Variants in PPIG observed in about 807,000 individuals in gnomAD.
PPIG encodes peptidylprolyl isomerase G.
Under a neutral mutation model 87.9 loss-of-function variants are expected in PPIG, and 26 were observed. The ratio of observed to expected loss-of-function variants is 0.30; its 90% CI spans 0.22 to 0.41. PPIG has a LOEUF of 0.41. Ranked by LOEUF, PPIG falls within the 10% of genes least tolerant of loss-of-function variation. The probability of loss-of-function intolerance (pLI) is 1.00; values close to 1 mark genes in which losing one functional copy is unlikely to be tolerated. For synonymous variants in PPIG, 308 were observed against 276.5 expected (o/e 1.11, Z -1.13); for missense variants, 722 against 879.4 (o/e 0.82, Z 2.26).
Position 169,631,810 on chromosome 2 carries a change from A to G in PPIG, c.806A>G (p.Gln269Arg). 1 of 1,613,906 alleles carries G rather than the reference A, an allele frequency of 6.2e-7. No individual in the cohort carries two copies. Among genetic ancestry groups the G allele is most frequent in the Non-Finnish European group, 8.5e-7 (1 of 1,179,816 alleles). Residue 269 changes from glutamine (Q) to arginine (R), a missense_variant, in exon 11 of 14, where the codon CAG (glutamine) becomes CGG (arginine). Physicochemically the swap from Gln to Arg is conservative, Grantham distance 43. Coordinates refer to ENST00000260970, the MANE Select transcript of PPIG (RefSeq NM_004792.3). Reference sequence around the variant, plus strand: ...GCTGAAAATCTTGAAGCACAACCCCAGTCTACTGTCCGTCCAGAAGAGATC... The same window carrying G: ...GCTGAAAATCTTGAAGCACAACCCCGGTCTACTGTCCGTCCAGAAGAGATC... ...SEAENLEAQP[Q>R]STVRPEEIPP...
intron 1 of PPIG, 185 bp downstream of exon 1, chr2:169,584,675 C>T (rs1036362443): frequency 3.7e-5 from 13 of 349,866 alleles, no homozygotes; most frequent in South Asian, 2.5e-4. Context: ...CGCAGCAGTG[C>T]CTTTGCCGCT....
chr2:169,595,483 G>A, intron 1 of PPIG, among the ~76,000 whole-genome samples: 1 of 152,050 alleles, frequency 6.6e-6, no homozygotes, highest in Non-Finnish European at 1.5e-5. Context: ...TCACCCCATT[G>A]TGCTAGCAAA....
chr2:169,588,035 C>T (rs1391309790), intron 1 of PPIG, among the ~76,000 whole-genome samples: 1 of 152,030 alleles, frequency 6.6e-6, no homozygotes, highest in East Asian at 1.9e-4. Context: ...ATTGGTGGTG[C>T]ATGCCTGTAA....
intron 6 of PPIG, 42 bp downstream of exon 6, chr2:169,607,190 CTTTTA>C (rs1440797037): frequency 3.2e-6 from 4 of 1,260,126 alleles, no homozygotes; most frequent in South Asian, 1.3e-5. Context: ...AATATTTTGT[CTTTTA>C]TTCTATTTTA....
At chr2:169,595,014 C>T (rs1483891639) in intron 1 of PPIG, among the ~76,000 whole-genome samples, 7 of 151,964 alleles carry the variant, frequency 4.6e-5, no homozygotes, top group Non-Finnish European at 7.4e-5. Context: ...CTACAACCTC[C>T]GCCTCCCGGG....
At chr2:169,615,462 T>G (rs1685587792) in intron 9 of PPIG, among the ~76,000 whole-genome samples, 1 of 152,242 alleles carries the variant, frequency 6.6e-6, no homozygotes, top group Admixed American at 6.5e-5. Context: ...TACCAACATT[T>G]GTCCAACACA....
At chr2:169,603,883 A>G (rs1685251390) in intron 2 of PPIG, 143 bp from the exon 3 acceptor site, 2 of 652,474 alleles carry the variant, frequency 3.1e-6, no homozygotes, top group Non-Finnish European at 5.2e-6. Context: ...CTAATAATCC[A>G]TGTGATTTAC....
rs1323926152 is a variant in PPIG at position 169,638,187 on chromosome 2, C to T, written c.*664C>T. The T allele has an allele frequency of 6.6e-6, 1 of 151,564 alleles. No individual in the cohort carries two copies. The highest frequency in any genetic ancestry group is 2.4e-5 in the African/African-American group (1 of 41,314). 9.4% of individuals were successfully genotyped at this position (151,564 alleles called of 1,614,324 possible). A position where few individuals can be genotyped will look rare whatever the true frequency, so the allele number is the denominator to read the frequency against. On this transcript the variant is annotated 3_prime_UTR_variant, in exon 14 of 14. Coordinates refer to ENST00000260970, the MANE Select transcript of PPIG (RefSeq NM_004792.3). Reference sequence around the variant, plus strand: ...TAAAAATCGTAAGAGTAATTTTTTTCAGTTGATGTACTGATTGAGCTTGAG... The same window carrying T: ...TAAAAATCGTAAGAGTAATTTTTTTTAGTTGATGTACTGATTGAGCTTGAG...
At chr2:169,612,917 T>G (rs1685528218) in intron 7 of PPIG, among the ~76,000 whole-genome samples, 1 of 152,164 alleles carries the variant, frequency 6.6e-6, no homozygotes, top group Non-Finnish European at 1.5e-5. Flanking sequence ...TTCCATACTG[T>G]TTTCCATAGT....
In PPIG at chr2:169,639,347, A is replaced by T. The variant is rs945335272; in HGVS notation, c.*1824A>T. The T allele has an allele frequency of 1.3e-5, 2 of 152,092 alleles. No homozygotes were observed. Among genetic ancestry groups the T allele is most frequent in the Admixed American group, 1.3e-4 (2 of 15,250 alleles). 9.4% of individuals were successfully genotyped at this position (152,092 alleles called of 1,614,324 possible). A position where few individuals can be genotyped will look rare whatever the true frequency, so the allele number is the denominator to read the frequency against. On this transcript the variant is annotated 3_prime_UTR_variant, in exon 14 of 14. Coordinates refer to ENST00000260970, the MANE Select transcript of PPIG (RefSeq NM_004792.3). ...TAATTTCAGTTAACTGCATTTTAAA[A>T]TTGTTGTTATAAACTATTTGAGCTT...
chr2:169,611,883 A>G (rs7570175), intron 7 of PPIG, among the ~76,000 whole-genome samples: 1 of 152,088 alleles, frequency 6.6e-6, no homozygotes, highest in Non-Finnish European at 1.5e-5. Flanking sequence ...AGAGAGCTTC[A>G]GTCTTAAAAA....
chr2:169,589,249 G>T (rs1452838282), intron 1 of PPIG, among the ~76,000 whole-genome samples: 2 of 152,108 alleles, frequency 1.3e-5, no homozygotes, highest in African/African-American at 2.4e-5. Flanking sequence ...TTTGCATCAG[G>T]GTGGTTTGTG....
intron 13 of PPIG, 92 bp downstream of exon 13, chr2:169,636,320 A>G: frequency 6.8e-7 from 1 of 1,473,228 alleles, no homozygotes; most frequent in Non-Finnish European, 9.1e-7. Flanking sequence ...TTATTGCTGA[A>G]TACCTTAAGA....
chr2:169,603,769 G>C (rs187843501), intron 2 of PPIG, 75 bp downstream of exon 2: 2 of 425,094 alleles, frequency 4.7e-6, no homozygotes, highest in East Asian at 8.5e-5. Context: ...TCTGTATTCC[G>C]GTTGATAAAT....
At position 169,604,087 on chromosome 2, in the gene PPIG, A is replaced by G. The variant is rs1269801977; in HGVS notation, c.46A>G (p.Ile16Val). The change falls in exon 3 of 14, where the codon ATT (isoleucine) becomes GTT (valine). Residue 16 changes from isoleucine to valine, a missense_variant. Ile to Val is a conservative substitution (Grantham distance 29). This residue lies in a region of PPIG where 99 missense variants were observed against 215.8 expected (regional missense o/e 0.46). Coordinates refer to ENST00000260970, the MANE Select transcript of PPIG (RefSeq NM_004792.3). ...TCCTCGATGTTTTTTTGACATTGCC[A>G]TTAACAATCAACCTGGTAAGAATAT... ...QRPRCFFDIA[I>V]NNQPAGRVVF... 2 of 1,613,464 alleles carry G rather than the reference A, an allele frequency of 1.2e-6. No homozygotes were observed. The highest frequency in any genetic ancestry group is 8.5e-7 in the Non-Finnish European group (1 of 1,179,552).
At chr2:169,622,366 A>G (rs1331258742) in intron 9 of PPIG, among the ~76,000 whole-genome samples, 6 of 152,254 alleles carry the variant, frequency 3.9e-5, no homozygotes, top group African/African-American at 1.4e-4. Context: ...CAGTACTTGA[A>G]TATTTGCCTA....
At chr2:169,612,636 C>T (rs190082698) in intron 7 of PPIG, among the ~76,000 whole-genome samples, 1 of 152,274 alleles carries the variant, frequency 6.6e-6, no homozygotes, top group African/African-American at 2.4e-5. Context: ...CCCGCCTTGG[C>T]CTCCCAAACT....
intron 9 of PPIG, among the ~76,000 whole-genome samples, chr2:169,618,596 C>T (rs899848630): frequency 1.3e-5 from 2 of 152,126 alleles, no homozygotes; most frequent in African/African-American, 4.8e-5. Context: ...GTGTATGTGT[C>T]TAGGAATTTA....
intron 1 of PPIG, among the ~76,000 whole-genome samples, chr2:169,591,920 ATTTTTTTTTT>A (rs3067016): frequency 7.1e-4 from 62 of 87,394 alleles, no homozygotes; most frequent in African/African-American, 1.3e-3. Flanking sequence ...GCAATTCATG[ATTTTTTTTTT>A]TTTTTTTTTT....
Sources: allele counts gnomAD v4.1 joint callset (sites outside exome capture counted in the v4.1 genomes callset), GRCh38; gene constraint gnomAD v4.1.1; regional missense constraint gnomAD v4.1.1; transcripts MANE v1.5; gene names NCBI Gene and HGNC (gene_info 2026-07-23, HGNC 2026-07-21).